Variants in IL1RAPL2 observed in about 807,000 individuals in gnomAD.
IL1RAPL2 encodes X-linked interleukin-1 receptor accessory protein-like 2.
A neutral mutation model predicts 44.1 loss-of-function variants in IL1RAPL2; 3 were observed. The observed-to-expected ratio is 0.07, with a 90% CI of 0.03 to 0.18. The LOEUF is 0.18. IL1RAPL2 is among the 10% of genes least tolerant of loss of function. The pLI, the probability that IL1RAPL2 is intolerant of heterozygous loss-of-function variation, is 1.00. For missense variants in IL1RAPL2, 391 were observed against 496.4 expected (o/e 0.79, Z 2.02); for synonymous variants, 181 against 178.8 (o/e 1.01, Z -0.10).
chrX:104,797,164 T>G (rs1932853851), intron 2 of IL1RAPL2, among the ~76,000 whole-genome samples: 2 of 89,205 alleles, frequency 2.2e-5, no homozygotes, highest in Admixed American at 1.4e-4. Context: ...TCCTGCTACC[T>G]AAGTTGTAAT....
chrX:105,117,464 G>A (rs917274912), intron 2 of IL1RAPL2, among the ~76,000 whole-genome samples: 1 of 111,843 alleles, frequency 8.9e-6, no homozygotes, highest in African/African-American at 3.3e-5. Context: ...ACAGGTGAGT[G>A]AATGGGCTCT....
chrX:105,375,603 C>T (rs1338533734), intron 5 of IL1RAPL2, among the ~76,000 whole-genome samples: 1 of 112,428 alleles, frequency 8.9e-6, no homozygotes, highest in East Asian at 2.8e-4. Flanking sequence ...AGTAATAATT[C>T]ATTACTTGAA....
intron 5 of IL1RAPL2, among the ~76,000 whole-genome samples, chrX:105,412,093 A>T (rs1327742941): frequency 9.0e-6 from 1 of 111,313 alleles, no homozygotes; most frequent in Non-Finnish European, 1.9e-5. Context: ...AAACTTAAAA[A>T]TTCATTGGGA....
intron 5 of IL1RAPL2, among the ~76,000 whole-genome samples, chrX:105,361,747 T>TG (rs2035249498): frequency 9.0e-6 from 1 of 111,415 alleles, no homozygotes; most frequent in Admixed American, 9.6e-5. Context: ...CCAGGGGAAT[T>TG]GGGGTACTAA....
At chrX:105,430,400 G>A (rs953303238) in intron 5 of IL1RAPL2, among the ~76,000 whole-genome samples, 6 of 111,338 alleles carry the variant, frequency 5.4e-5, no homozygotes, top group African/African-American at 1.6e-4. Context: ...AAAATTATGT[G>A]TCATCCCTTA....
chrX:104,898,061 A>T (rs897259508), intron 2 of IL1RAPL2, among the ~76,000 whole-genome samples: 1 of 111,771 alleles, frequency 8.9e-6, no homozygotes, highest in Non-Finnish European at 1.9e-5. Context: ...GAATGTGAAC[A>T]TTATTGGGTA....
intron 2 of IL1RAPL2, among the ~76,000 whole-genome samples, chrX:105,003,852 G>T (rs2030895030): frequency 9.0e-6 from 1 of 111,341 alleles, no homozygotes; most frequent in Non-Finnish European, 1.9e-5. Context: ...TCTTCCATGA[G>T]AAATAATAAT....
intron 6 of IL1RAPL2, among the ~76,000 whole-genome samples, chrX:105,636,948 T>G (rs2037528161): frequency 9.0e-6 from 1 of 111,476 alleles, no homozygotes; most frequent in South Asian, 3.8e-4. Context: ...TCATCCTCAG[T>G]GTCTGACATC....
intron 2 of IL1RAPL2, among the ~76,000 whole-genome samples, chrX:104,760,547 A>G (rs778896672): frequency 3.6e-5 from 4 of 111,723 alleles, no homozygotes; most frequent in Non-Finnish European, 7.5e-5. Context: ...TGTTGAGCAC[A>G]TTTTTATGTC....
At chrX:104,937,381 C>A (rs974943246) in intron 2 of IL1RAPL2, among the ~76,000 whole-genome samples, 1 of 112,191 alleles carries the variant, frequency 8.9e-6, no homozygotes, top group East Asian at 2.8e-4. Flanking sequence ...ATATCTTCCA[C>A]GCTGTGACCT....
chrX:105,722,914 A>T (rs181784814), intron 7 of IL1RAPL2, among the ~76,000 whole-genome samples: 1 of 110,740 alleles, frequency 9.0e-6, no homozygotes, highest in Admixed American at 9.6e-5. Flanking sequence ...TGGCTTCCTT[A>T]TATCTATACT....
intron 2 of IL1RAPL2, among the ~76,000 whole-genome samples, chrX:104,685,704 G>A (rs1187096992): frequency 9.0e-6 from 1 of 110,819 alleles, no homozygotes. Flanking sequence ...CACCAACATG[G>A]CACATGTATA....
intron 2 of IL1RAPL2, among the ~76,000 whole-genome samples, chrX:104,789,958 A>G (rs1932817099): frequency 8.9e-6 from 1 of 111,778 alleles, no homozygotes; most frequent in African/African-American, 3.3e-5. Context: ...GTTTTGTAAT[A>G]AGCCCTAGTT....
intron 2 of IL1RAPL2, among the ~76,000 whole-genome samples, chrX:104,849,059 G>A (rs1922146975): frequency 9.1e-6 from 1 of 109,436 alleles, no homozygotes; most frequent in Non-Finnish European, 1.9e-5. Context: ...CCAGGCTGGA[G>A]TGCAGTGGCA....
At chrX:105,357,123 A>G (rs2035209369) in intron 5 of IL1RAPL2, among the ~76,000 whole-genome samples, 1 of 111,534 alleles carries the variant, frequency 9.0e-6, no homozygotes, top group African/African-American at 3.3e-5. Flanking sequence ...CTGGGTTCAA[A>G]TCCTGACTTC....
At chrX:105,705,162 T>C (rs1397363074) in intron 6 of IL1RAPL2, among the ~76,000 whole-genome samples, 1 of 109,243 alleles carries the variant, frequency 9.2e-6, no homozygotes, top group African/African-American at 3.3e-5. Context: ...GAATGCCATG[T>C]CATTTGGGGT....
At chrX:105,145,112 G>T (rs1426630268) in intron 2 of IL1RAPL2, among the ~76,000 whole-genome samples, 1 of 111,697 alleles carries the variant, frequency 9.0e-6, no homozygotes, top group Non-Finnish European at 1.9e-5. Context: ...TGGTGAATAA[G>T]AATCAGCAAA....
intron 2 of IL1RAPL2, among the ~76,000 whole-genome samples, chrX:104,849,927 C>T (rs1265378827): frequency 9.1e-6 from 1 of 110,230 alleles, no homozygotes; most frequent in African/African-American, 3.3e-5. Context: ...CAGGTTTTTC[C>T]AACTAGATAC....
At chrX:104,917,761 G>T (rs940485805) in intron 2 of IL1RAPL2, among the ~76,000 whole-genome samples, 10 of 111,985 alleles carry the variant, frequency 8.9e-5, no homozygotes, top group Admixed American at 7.6e-4. Flanking sequence ...GCCATCAGCT[G>T]AAAAGTGCTT....
Sources: gnomAD v4.1 joint callset for allele counts (sites outside exome capture counted in the v4.1 genomes callset) on GRCh38, gnomAD v4.1.1 for gene constraint, MANE v1.5 for transcripts, NCBI Gene and HGNC (gene_info 2026-07-23, HGNC 2026-07-21) for gene names.